The following ZNF23 variants were observed in gnomAD, a reference collection of about 807,000 sequenced individuals.
The protein encoded by ZNF23 is zinc finger protein 23, also known as kruppel-like zinc finger factor X31.
A neutral mutation model predicts 56.2 loss-of-function variants in ZNF23; 48 were observed. The ratio of observed to expected loss-of-function variants is 0.85; its 90% confidence interval spans 0.68 to 1.09. The LOEUF is 1.09. Ranked by LOEUF, ZNF23 falls within the 50% of genes least tolerant of loss-of-function variation. The pLI is 0.00. For synonymous variants in ZNF23, 266 were observed against 283.3 expected (o/e 0.94, Z 0.61); for missense variants, 805 against 811.4 (o/e 0.99, Z 0.10).
In ZNF23 at chr16:71,456,081, A is replaced by G. The variant is rs749908824; in HGVS notation, c.33+683T>C. 5 of 454,370 alleles carry G rather than the reference A, an allele frequency of 1.1e-5. No homozygotes were observed. The East Asian group carries it at 3.5e-4, about 32-fold the overall frequency. The allele number at this position is 454,370 out of a possible 1,614,324, so 28.1% of individuals were successfully genotyped here. A position where few individuals can be genotyped will look rare whatever the true frequency, so the allele number is the denominator to read the frequency against. On this transcript the variant is annotated intron_variant, in intron 2 of 4. Transcript: ENST00000647773. Reference sequence around the variant, plus strand: ...GTGGACTGTTCCCAACCTGTAGTCCATGGAAGTCCATGGATGAGCTTCAGG... The same window carrying G: ...GTGGACTGTTCCCAACCTGTAGTCCGTGGAAGTCCATGGATGAGCTTCAGG...
chr16:71,448,278 T>C lies in ZNF23; in HGVS notation c.1876A>G (p.Thr626Ala), dbSNP rs2042918292. 2.5e-6 allele frequency: 4 copies of C among 1,614,228 alleles called. No individual in the cohort carries two copies. The highest frequency in any genetic ancestry group is 3.4e-6 in the Non-Finnish European group (4 of 1,180,036). The change falls in exon 5 of 5, where the codon ACT becomes GCT. Residue 626 changes from threonine (T) to alanine (A), a missense_variant. By Grantham distance (58) the Thr-to-Ala change is moderately conservative. Coordinates refer to ENST00000647773, the MANE Select transcript of ZNF23 (RefSeq NM_001381984.1). ...ACACATCTGAAGGGTTTCTCCCCAG[T>C]GTGGCTTCTCTGATGCCGAATTAAA... ...AHLIRHQRSH[T>A]GEKPFRCVEC...
At chr16:71,453,102 T>G in intron 4 of ZNF23, 141 bp downstream of exon 4, 1 of 577,272 alleles carries the variant, frequency 1.7e-6, no homozygotes, top group Non-Finnish European at 3.1e-6. Flanking sequence ...GGACTACCTA[T>G]CTCTATGAAT....
At chr16:71,450,974 T>C (rs1364607013) in intron 4 of ZNF23, 1 of 182,042 alleles carries the variant, frequency 5.5e-6, no homozygotes, top group Non-Finnish European at 1.2e-5. Context: ...ATTTTGTTTC[T>C]TTCCTTAGAA....
At chr16:71,457,096 T>G (rs2043260616) in intron 1 of ZNF23, among the ~76,000 whole-genome samples, 1 of 151,946 alleles carries the variant, frequency 6.6e-6, no homozygotes, top group African/African-American at 2.4e-5. Flanking sequence ...AATTTAAAAA[T>G]AAACAAATAA....
rs774096912 is a variant in ZNF23, at chr16:71,449,796, C to G, written c.358G>C (p.Glu120Gln). The change falls in exon 5 of 5, where the codon GAA (glutamate) becomes CAA (glutamine). Residue 120 changes from glutamate to glutamine, a missense_variant. Physicochemically the swap from Glu to Gln is conservative, Grantham distance 29 (BLOSUM62 2). Coordinates refer to ENST00000647773, the MANE Select transcript of ZNF23 (RefSeq NM_001381984.1). ...AGAGAGGCTTCTGAAAAGTCTGTTT[C>G]CTGGGAAAAGTCTCTTTGAAGTTCA... Reference protein sequence around the residue: ...SFELQRDFSQETDFSEASLLE... With the variant: ...SFELQRDFSQQTDFSEASLLE... 43 of 1,613,920 alleles carry G rather than the reference C, an allele frequency of 2.7e-5. No individual in the cohort carries two copies. The Middle Eastern group carries it at 6.6e-4, about 25-fold the overall frequency.
intron 1 of ZNF23, among the ~76,000 whole-genome samples, chr16:71,459,503 G>A (rs950294432): frequency 6.6e-6 from 1 of 152,186 alleles, no homozygotes; most frequent in Non-Finnish European, 1.5e-5. Context: ...TTCTGCTTTT[G>A]GGGAAGCTTA....
At chr16:71,453,442 A>T (rs2145095015) in intron 3 of ZNF23, 92 bp from the exon 4 acceptor site, 1 of 976,714 alleles carries the variant, frequency 1.0e-6, no homozygotes, top group East Asian at 2.6e-5. Flanking sequence ...AGCAATGGGG[A>T]GGGAAGGTAA....
At chr16:71,453,953 C>G in intron 3 of ZNF23, 89 bp downstream of exon 3, 1 of 1,451,302 alleles carries the variant, frequency 6.9e-7, no homozygotes. Flanking sequence ...TAAAGGATTA[C>G]CAGAGATCCC....
rs376049492 is a variant in ZNF23, at chr16:71,449,911, G to A, written c.269-26C>T. ...CTATAAAAAACAGAAAACATAAAAT[G>A]TCATGTAAGAACCATGTTAGGAAAA... On this transcript the variant is annotated intron_variant, in intron 4 of 4. Coordinates refer to ENST00000647773, the MANE Select transcript of ZNF23 (RefSeq NM_001381984.1). 2.1e-5 allele frequency: 32 copies of A among 1,530,228 alleles called. No individual in the cohort carries two copies. In the African/African-American group the frequency reaches 4.3e-4, roughly 21 times the overall value. The allele number at this position is 1,530,228 out of a possible 1,614,324, so 94.8% of individuals were successfully genotyped here. A position where few individuals can be genotyped will look rare whatever the true frequency, so the allele number is the denominator to read the frequency against.
chr16:71,457,679 C>T (rs1274561062), intron 1 of ZNF23, among the ~76,000 whole-genome samples: 2 of 151,786 alleles, frequency 1.3e-5, no homozygotes, highest in Non-Finnish European at 2.9e-5. Context: ...GAGCCAGTAT[C>T]ACACCACTGC....
At chr16:71,461,232 T>C (rs2043443677) in intron 1 of ZNF23, among the ~76,000 whole-genome samples, 1 of 152,158 alleles carries the variant, frequency 6.6e-6, no homozygotes, top group Non-Finnish European at 1.5e-5. Flanking sequence ...CAATCTTCTC[T>C]TTCTTAATTG....
Position 71,454,166 on chromosome 16 carries a change from C to G in ZNF23, c.36G>C (p.Lys12Asn). ...AAMHLTAWPQ[K>N]SVTFEDVAVY... ...CAGCCACGTCCTCAAAGGTCACCGA[C>G]TTCTGAAACAATAGGTTCCTGCTGC... Residue 12 changes from lysine to asparagine, a missense_variant and splice_region_variant, in exon 3 of 5, where the codon AAG (lysine) becomes AAC (asparagine). Transcript: ENST00000647773. 6.2e-7 allele frequency: 1 copy of G among 1,612,734 alleles called. No homozygotes were observed. Among genetic ancestry groups the G allele is most frequent in the Non-Finnish European group, 8.5e-7 (1 of 1,179,528 alleles).
In ZNF23 at chr16:71,448,785, G is replaced by C. The variant is rs757425580; in HGVS notation, c.1369C>G (p.His457Asp). 1 of 1,614,188 alleles carries C rather than the reference G, an allele frequency of 6.2e-7. No individual in the cohort carries two copies. Among genetic ancestry groups the C allele is most frequent in the Non-Finnish European group, 8.5e-7 (1 of 1,180,034 alleles). Residue 457 changes from histidine (H) to aspartate (D), a missense_variant, in exon 5 of 5, where the codon CAC (histidine) becomes GAC (aspartate). Physicochemically the swap from His to Asp is moderately conservative, Grantham distance 81. Coordinates refer to ENST00000647773, the MANE Select transcript of ZNF23 (RefSeq NM_001381984.1). ...CACTCATAGGGTTTCTCGCCTGTGTGAATTCTCTGGTGTTGGATTAACTTC... is the reference window on the plus strand; with the variant it reads ...CACTCATAGGGTTTCTCGCCTGTGTCAATTCTCTGGTGTTGGATTAACTTC... The part of the protein sequence containing the change: ...KGKLIQHQRI[H>D]TGEKPYECNE...
chr16:71,459,443 C>T (rs2043361208), intron 1 of ZNF23, among the ~76,000 whole-genome samples: 1 of 152,232 alleles, frequency 6.6e-6, no homozygotes, highest in Non-Finnish European at 1.5e-5. Flanking sequence ...CACTCTGCCC[C>T]TGTGACCATA....
Position 71,448,255 on chromosome 16 carries a change from ACATCTG to A in ZNF23, c.1893_1898del (p.Arg632_Cys633del), listed in dbSNP as rs767246980. On this transcript the variant is annotated inframe_deletion, in exon 5 of 5. Transcript: ENST00000647773. Reference sequence around the variant, plus strand: ...AGCTGAAGCCTTTGCCACATTCCACACATCTGAAGGGTTTCTCCCCAGTGTGGCTTC... The same window carrying A: ...AGCTGAAGCCTTTGCCACATTCCACAAAGGGTTTCTCCCCAGTGTGGCTTC... 3 of 1,614,266 alleles carry A rather than the reference ACATCTG, an allele frequency of 1.9e-6. No individual in the cohort carries two copies. The South Asian group carries it at 3.3e-5, about 18-fold the overall frequency.
Position 71,448,274 on chromosome 16 carries a change from C to T in ZNF23, c.1880G>A (p.Gly627Glu). Residue 627 changes from glycine to glutamate, a missense_variant, in exon 5 of 5, where the codon GGG (glycine) becomes GAG (glutamate). Physicochemically the swap from Gly to Glu is moderately conservative, Grantham distance 98. Coordinates refer to ENST00000647773, the MANE Select transcript of ZNF23 (RefSeq NM_001381984.1). ...HLIRHQRSHT[G>E]EKPFRCVECG... ...TTCCACACATCTGAAGGGTTTCTCCCCAGTGTGGCTTCTCTGATGCCGAAT... is the reference window on the plus strand; with the variant it reads ...TTCCACACATCTGAAGGGTTTCTCCTCAGTGTGGCTTCTCTGATGCCGAAT... The T allele has an allele frequency of 6.2e-7, 1 of 1,614,204 alleles. No homozygotes were observed.
At chr16:71,457,196 A>G (rs1182103499) in intron 1 of ZNF23, among the ~76,000 whole-genome samples, 1 of 152,230 alleles carries the variant, frequency 6.6e-6, no homozygotes, top group Non-Finnish European at 1.5e-5. Context: ...TTGAGAGGCC[A>G]AGGCGGGTGG....
Position 71,448,070 on chromosome 16 carries a change from A to C in ZNF23, c.*23T>G. On this transcript the variant is annotated 3_prime_UTR_variant, in exon 5 of 5. Coordinates refer to ENST00000647773, the MANE Select transcript of ZNF23 (RefSeq NM_001381984.1). Reference sequence around the variant, plus strand: ...GATCCATTTTGGCATTAACCTTAAGAGTTTTCTATATCTTTCTCATTATTA... The same window carrying C: ...GATCCATTTTGGCATTAACCTTAAGCGTTTTCTATATCTTTCTCATTATTA... 1 of 1,544,620 alleles carries C rather than the reference A, an allele frequency of 6.5e-7. No homozygotes were observed. The highest frequency in any genetic ancestry group is 1.4e-5 in the African/African-American group (1 of 72,538).
chr16:71,451,708 C>T (rs934663115), intron 4 of ZNF23: 3 of 152,214 alleles, frequency 2.0e-5, no homozygotes, highest in Admixed American at 2.0e-4. Flanking sequence ...GCCATCCAAT[C>T]TATGGCAGTC....
Sources: gnomAD v4.1 joint callset for allele counts (sites outside exome capture counted in the v4.1 genomes callset) on GRCh38, gnomAD v4.1.1 for gene constraint, MANE v1.5 for transcripts, NCBI Gene and HGNC (gene_info 2026-07-23, HGNC 2026-07-21) for gene names.